Variants in TECR observed in about 807,000 individuals in gnomAD.
The protein encoded by TECR is trans-2,3-enoyl-CoA reductase.
In TECR, 19 loss-of-function variants were observed where a neutral mutation model predicts 50.6. The ratio of observed to expected loss-of-function variants is 0.38; its 90% CI spans 0.26 to 0.55. The LOEUF (loss-of-function observed/expected upper bound fraction) is 0.55. Among genes scored for constraint, TECR ranks in the 20% least tolerant of loss-of-function variants. The probability of loss-of-function intolerance (pLI) is 0.79; values close to 1 mark genes in which losing one functional copy is unlikely to be tolerated. For synonymous variants in TECR, 168 were observed against 163.5 expected (o/e 1.03, Z -0.21); for missense variants, 313 against 408.3 (o/e 0.77, Z 2.01).
At position 14,562,574 on chromosome 19, in the gene TECR, A is replaced by G; in HGVS notation, c.65A>G (p.Lys22Arg). The change falls in exon 2 of 13, where the codon AAG becomes AGG. Residue 22 changes from lysine to arginine, a missense_variant and splice_region_variant. Coordinates refer to ENST00000215567, the MANE Select transcript of TECR (RefSeq NM_138501.6). The part of the protein sequence containing the change: ...KTREKLCFLD[K>R]VEPHATIAEI... ...AGGGAGAAGCTGTGTTTCTTGGACAAGGTAGGACTGGGGCGTGGGCTGCAC... is the reference window on the plus strand; with the variant it reads ...AGGGAGAAGCTGTGTTTCTTGGACAGGGTAGGACTGGGGCGTGGGCTGCAC... 6.2e-7 allele frequency: 1 copy of G among 1,614,182 alleles called. No individual in the cohort carries two copies. Among genetic ancestry groups the G allele is most frequent in the Non-Finnish European group, 8.5e-7 (1 of 1,180,008 alleles).
intron 1 of TECR, among the ~76,000 whole-genome samples, chr19:14,551,945 C>CT (rs1491144182): frequency 3.7e-5 from 2 of 53,710 alleles, no homozygotes; most frequent in African/African-American, 9.2e-5. Flanking sequence ...CTCCCTCCCT[C>CT]CCTCTCTCTC....
chr19:14,564,673 G>A, intron 7 of TECR, 113 bp from the exon 8 acceptor site: 12 of 819,814 alleles, frequency 1.5e-5, no homozygotes, highest in Admixed American at 2.2e-5. Flanking sequence ...CCCGCCCCAA[G>A]GCCCCTCCTG....
intron 1 of TECR, among the ~76,000 whole-genome samples, chr19:14,560,189 C>T (rs1405522716): frequency 6.6e-6 from 1 of 152,242 alleles, no homozygotes; most frequent in African/African-American, 2.4e-5. Context: ...CGTACTCTCC[C>T]TCTTGGGCCC....
At chr19:14,560,002 C>T (rs73521844) in intron 1 of TECR, among the ~76,000 whole-genome samples, 1,581 of 152,180 alleles carry the variant, frequency 0.01, 35 homozygotes, top group African/African-American at 0.035. Context: ...GTAGGGGCCC[C>T]TAGGTGCTGC....
At chr19:14,562,218 A>G (rs1023895751) in intron 1 of TECR, 2 of 601,424 alleles carry the variant, frequency 3.3e-6, no homozygotes, top group Non-Finnish European at 5.9e-6. Flanking sequence ...CTGGCACAGA[A>G]GTCGGCAGTG....
chr19:14,530,684 TC>T (rs1333888913), intron 1 of TECR: 8 of 152,150 alleles, frequency 5.3e-5, no homozygotes, highest in Non-Finnish European at 1.0e-4. Context: ...AGGTCTTAGT[TC>T]CTAGCCACTA....
intron 1 of TECR, chr19:14,529,926 G>C (rs900689268): frequency 1.3e-5 from 9 of 678,546 alleles, no homozygotes; most frequent in Non-Finnish European, 2.0e-5. Flanking sequence ...AGGCTGTTTT[G>C]GGGGTACTTT....
rs1275266200 is a variant in TECR at position 14,529,680 on chromosome 19, C to T, written c.-17C>T. 13 of 1,613,910 alleles carry T rather than the reference C, an allele frequency of 8.1e-6. No individual in the cohort carries two copies. Among genetic ancestry groups the T allele is most frequent in the Admixed American group, 3.3e-5 (2 of 60,018 alleles). On this transcript the variant is annotated 5_prime_UTR_variant, in exon 1 of 13. Transcript: ENST00000215567. ...GCAGCAGCAGCCGCGGAGCAGTAGC[C>T]GCCGTGGGAGGGAGCCATGAAGCAT...
rs748290309 is a variant in TECR at position 14,565,916 on chromosome 19, C to G, written c.*45C>G. 2.6e-6 allele frequency: 4 copies of G among 1,550,538 alleles called. No homozygotes were observed. Among genetic ancestry groups the G allele is most frequent in the Non-Finnish European group, 3.5e-6 (4 of 1,148,346 alleles). ...CTCAGCCCCTCAACCCGGTGGCATT[C>G]TGGGGGAGGAGTGGGGCCCACAGCT... On this transcript the variant is annotated 3_prime_UTR_variant, in exon 13 of 13. Transcript: ENST00000215567.
Position 14,564,300 on chromosome 19 carries a change from C to T in TECR, c.489+13C>T. ...CAACATCTTCAAGGTGAGAGCCCGT[C>T]CCCGCCTCACCCCTAAGCCCCGCCT... On this transcript the variant is annotated intron_variant, in intron 7 of 12. Coordinates refer to ENST00000215567, the MANE Select transcript of TECR (RefSeq NM_138501.6). The T allele has an allele frequency of 6.3e-7, 1 of 1,589,588 alleles. No homozygotes were observed. Among genetic ancestry groups the T allele is most frequent in the Non-Finnish European group, 8.5e-7 (1 of 1,171,020 alleles).
chr19:14,557,699 A>G (rs2073779249), intron 1 of TECR, among the ~76,000 whole-genome samples: 1 of 145,808 alleles, frequency 6.9e-6, no homozygotes, highest in Non-Finnish European at 1.5e-5. Context: ...TAACCCGCCC[A>G]CCTTGGCCTC....
Position 14,563,199 on chromosome 19 carries a change from C to T in TECR, c.67-7C>T, listed in dbSNP as rs770981335. On this transcript the variant is annotated splice_polypyrimidine_tract_variant and splice_region_variant and intron_variant, in intron 2 of 12. Transcript: ENST00000215567. This position sits in a 1 kb window ranked among gnomAD's most constrained non-coding sequence, Gnocchi z 5.3. ...AGCTGACGTCCCTGCGCCTGTGCTT[C>T]CCCCAGGTGGAGCCCCACGCCACCA... The T allele has an allele frequency of 1.4e-5, 23 of 1,613,816 alleles. No homozygotes were observed. The South Asian group carries it at 1.8e-4, about 12-fold the overall frequency.
At chr19:14,560,431 C>T (rs1404683271) in intron 1 of TECR, among the ~76,000 whole-genome samples, 2 of 152,176 alleles carry the variant, frequency 1.3e-5, no homozygotes, top group Non-Finnish European at 2.9e-5. Flanking sequence ...TACCTGCAGC[C>T]ACAGGGCAGG....
rs907232562 is a variant in TECR, at chr19:14,529,666, C to T, written c.-31C>T. On this transcript the variant is annotated 5_prime_UTR_variant, in exon 1 of 13. Coordinates refer to ENST00000215567, the MANE Select transcript of TECR (RefSeq NM_138501.6). ...TGCCGCGCAGTTAGGCAGCAGCAGC[C>T]GCGGAGCAGTAGCCGCCGTGGGAGG... 4 of 1,613,744 alleles carry T rather than the reference C, an allele frequency of 2.5e-6. No individual in the cohort carries two copies. The highest frequency in any genetic ancestry group is 3.4e-6 in the Non-Finnish European group (4 of 1,180,028).
At chr19:14,530,043 T>A in intron 1 of TECR, 1 of 456,014 alleles carries the variant, frequency 2.2e-6, no homozygotes, top group South Asian at 2.2e-5. Flanking sequence ...TGCGGGACCC[T>A]TGCTCCCAAT....
At chr19:14,543,109 C>A (rs965064701) in intron 1 of TECR, among the ~76,000 whole-genome samples, 1 of 150,802 alleles carries the variant, frequency 6.6e-6, no homozygotes, top group Non-Finnish European at 1.5e-5. Flanking sequence ...TAACACAAGC[C>A]CTGGGGCTTC....
chr19:14,529,516 G>A (rs762076874), upstream of TECR: 1 of 797,180 alleles, frequency 1.3e-6, no homozygotes, highest in Admixed American at 2.0e-5. Context: ...AGGAGCAGGG[G>A]CGAACGTGGG....
chr19:14,561,616 G>T (rs959979854), intron 1 of TECR, among the ~76,000 whole-genome samples: 10 of 152,140 alleles, frequency 6.6e-5, no homozygotes, highest in Non-Finnish European at 1.3e-4. Context: ...TGGAAAGCCT[G>T]CCCCACAGGT....
chr19:14,550,189 C>T (rs945491148), intron 1 of TECR, among the ~76,000 whole-genome samples: 12 of 151,988 alleles, frequency 7.9e-5, no homozygotes, highest in Admixed American at 2.0e-4. Context: ...AGTGAACAAA[C>T]GAGCCTCAGT....
Sources: gnomAD v4.1 joint callset for allele counts (sites outside exome capture counted in the v4.1 genomes callset) on GRCh38, gnomAD v4.1.1 for gene constraint, Gnocchi (gnomAD v3.1) non-coding constraint, MANE v1.5 for transcripts, NCBI Gene and HGNC (gene_info 2026-07-23, HGNC 2026-07-21) for gene names.